Variants in FIRRM observed in about 807,000 individuals in gnomAD.
FIRRM encodes the protein FIGNL1-interacting regulator of recombination and mitosis.
the FIRRM span, chr1:169,827,725 C>T: frequency 6.2e-7 from 1 of 1,614,066 alleles, no homozygotes; most frequent in Non-Finnish European, 8.5e-7. Context: ...GCCATGTGAA[C>T]TGCAGTTTCC....
At chr1:169,839,617 A>G in the FIRRM span, among the ~76,000 whole-genome samples, 10 of 152,200 alleles carry the variant, frequency 6.6e-5, no homozygotes, top group East Asian at 1.9e-3. Flanking sequence ...TCAGGTGTTT[A>G]AGTTCCTTAT....
chr1:169,813,485 C>T, the FIRRM span, among the ~76,000 whole-genome samples: 9 of 152,144 alleles, frequency 5.9e-5, no homozygotes, highest in East Asian at 1.9e-4. Flanking sequence ...ATCCTATTTT[C>T]GTCTACTAGA....
At chr1:169,830,858 T>C in the FIRRM span, 2 of 994,752 alleles carry the variant, frequency 2.0e-6, no homozygotes, top group Non-Finnish European at 1.6e-6. Context: ...AGTAACAAGA[T>C]TGTTTTGACA....
the FIRRM span, chr1:169,853,627 T>C: frequency 6.9e-7 from 1 of 1,453,556 alleles, no homozygotes; most frequent in Non-Finnish European, 9.5e-7. Context: ...CTTTGGGGTT[T>C]TCTTGTCCCA....
At chr1:169,810,498 C>T in the FIRRM span, among the ~76,000 whole-genome samples, 9 of 151,972 alleles carry the variant, frequency 5.9e-5, no homozygotes, top group African/African-American at 9.7e-5. Flanking sequence ...CTTAGCTTCT[C>T]GGTGTCACTG....
chr1:169,828,365 A>G, the FIRRM span, among the ~76,000 whole-genome samples: 1 of 152,162 alleles, frequency 6.6e-6, no homozygotes, highest in Non-Finnish European at 1.5e-5. Context: ...AAACTGAAAC[A>G]TAATGTTAGA....
At chr1:169,792,441 C>A in the FIRRM span, 1 of 745,354 alleles carries the variant, frequency 1.3e-6, no homozygotes, top group South Asian at 2.4e-5. Context: ...GGTAACATAG[C>A]TCACTTACAA....
the FIRRM span, among the ~76,000 whole-genome samples, chr1:169,790,056 A>C: frequency 5.9e-5 from 9 of 152,218 alleles, no homozygotes; most frequent in Admixed American, 4.6e-4. Context: ...GTTACATGAG[A>C]AAGCTGCGTA....
the FIRRM span, among the ~76,000 whole-genome samples, chr1:169,816,026 AAG>A: frequency 6.6e-6 from 1 of 152,224 alleles, no homozygotes; most frequent in Non-Finnish European, 1.5e-5. Context: ...ATTCCAAAAA[AAG>A]ATGATATCTG....
At chr1:169,784,207 C>T in the FIRRM span, among the ~76,000 whole-genome samples, 3 of 152,128 alleles carry the variant, frequency 2.0e-5, no homozygotes, top group African/African-American at 7.2e-5. Flanking sequence ...GTTCCACAGT[C>T]CCAAACTCCA....
chr1:169,831,134 A>AC, the FIRRM span, among the ~76,000 whole-genome samples: 1 of 149,570 alleles, frequency 6.7e-6, no homozygotes, highest in Non-Finnish European at 1.5e-5. Context: ...ATTTTGTTGT[A>AC]TTTTTTTTTT....
the FIRRM span, among the ~76,000 whole-genome samples, chr1:169,820,576 T>TG: frequency 4.6e-5 from 7 of 152,194 alleles, no homozygotes; most frequent in Admixed American, 6.5e-5. Context: ...TTTCCTAAGT[T>TG]GGGCCGCAAA....
At chr1:169,832,352 C>T in the FIRRM span, 1 of 1,130,198 alleles carries the variant, frequency 8.8e-7, no homozygotes, top group South Asian at 1.3e-5. Context: ...GGCATATTCT[C>T]TTCTTGTAAA....
chr1:169,803,190 G>C, the FIRRM span: 1 of 1,613,790 alleles, frequency 6.2e-7, no homozygotes. Context: ...GCTCTTAGGA[G>C]CTCTCACAGG....
the FIRRM span, among the ~76,000 whole-genome samples, chr1:169,834,903 G>A: frequency 6.6e-6 from 1 of 152,064 alleles, no homozygotes; most frequent in Non-Finnish European, 1.5e-5. Flanking sequence ...CAAAACTGAG[G>A]CACAAATCAA....
the FIRRM span, chr1:169,853,131 T>C: frequency 3.8e-6 from 3 of 789,350 alleles, no homozygotes; most frequent in Non-Finnish European, 6.1e-6. Context: ...AGAACAGGAT[T>C]GTGGGGAATA....
the FIRRM span, among the ~76,000 whole-genome samples, chr1:169,820,876 G>A: frequency 6.6e-6 from 1 of 152,094 alleles, no homozygotes; most frequent in Non-Finnish European, 1.5e-5. Context: ...AAGAATTCAA[G>A]GTGAATCCAT....
At chr1:169,827,200 G>A in the FIRRM span, 1 of 1,609,834 alleles carries the variant, frequency 6.2e-7, no homozygotes, top group Non-Finnish European at 8.5e-7. Context: ...AGTAAATTAG[G>A]TAAGCTTCAA....
chr1:169,825,675 A>G, the FIRRM span, among the ~76,000 whole-genome samples: 1 of 152,220 alleles, frequency 6.6e-6, no homozygotes, highest in Non-Finnish European at 1.5e-5. Flanking sequence ...CTCAGAATCA[A>G]TGTCACAAAT....
Sources: gnomAD v4.1 joint callset for allele counts (sites outside exome capture counted in the v4.1 genomes callset) on GRCh38, gnomAD v4.1.1 for gene constraint, MANE v1.5 for transcripts, NCBI Gene and HGNC (gene_info 2026-07-23, HGNC 2026-07-21) for gene names.